TBX3: variants seen among roughly 807,000 people sequenced by gnomAD.
TBX3 encodes the protein T-box transcription factor 3.
TBX3 carries 11 observed loss-of-function variants against 47.8 expected under a neutral mutation model. The ratio of observed to expected loss-of-function variants is 0.23; its 90% CI spans 0.14 to 0.38. The LOEUF is 0.38. Ranked by LOEUF, TBX3 falls within the 10% of genes least tolerant of loss-of-function variation. The pLI, the probability that TBX3 is intolerant of heterozygous loss-of-function variation, is 1.00. For synonymous variants in TBX3, 500 were observed against 449.3 expected, an observed-to-expected ratio of 1.11 and a Z score of -1.43; for missense variants, 927 against 1,022.8, an observed-to-expected ratio of 0.91 and a Z score of 1.28.
intron 3 of TBX3, 115 bp from the exon 4 acceptor site, chr12:114,677,771 T>C: frequency 2.1e-6 from 2 of 939,366 alleles, no homozygotes; most frequent in Non-Finnish European, 3.4e-6. Flanking sequence ...AGAAGTCATA[T>C]AGATATGCCA....
intron 6 of TBX3, among the ~76,000 whole-genome samples, chr12:114,673,891 A>T (rs1216404802): frequency 1.3e-5 from 2 of 152,244 alleles, no homozygotes; most frequent in Non-Finnish European, 2.9e-5. Context: ...AATGCCTGAA[A>T]GTAAGTGCTG....
chr12:114,679,744 A>C, intron 2 of TBX3, 93 bp from the exon 3 acceptor site: 1 of 1,583,078 alleles, frequency 6.3e-7, no homozygotes, highest in South Asian at 1.1e-5. Flanking sequence ...AATCTTCCCC[A>C]CCGCAGGGTA....
At chr12:114,673,922 T>C (rs972557988) in intron 6 of TBX3, among the ~76,000 whole-genome samples, 3 of 152,374 alleles carry the variant, frequency 2.0e-5, no homozygotes, top group Admixed American at 6.5e-5. Flanking sequence ...TTATCTTTGT[T>C]ACTACCTATC....
At position 114,682,657 on chromosome 12, in the gene TBX3, C is replaced by A. The variant is rs73402612; in HGVS notation, c.389+155G>T. ...CAGGTAAGCTGAAATTTCCTGCCAC[C>A]GGGGCAGGGCCTGGAAGTCTGTGCA... On this transcript the variant is annotated intron_variant, in intron 1 of 6. Transcript: ENST00000349155. Among the ~76,000 whole-genome samples, 689 of 152,176 alleles carry A rather than the reference C, an allele frequency of 4.5e-3. 6 individuals carry two copies. Among genetic ancestry groups the A allele is most frequent in the African/African-American group, 0.016 (661 of 41,520 alleles).
At position 114,677,615 on chromosome 12, in the gene TBX3, A is replaced by G. The variant is rs1313506839; in HGVS notation, c.846T>C (p.Gly282=). 2 of 1,614,128 alleles carry G rather than the reference A, an allele frequency of 1.2e-6. No homozygotes were observed. The highest frequency in any genetic ancestry group is 4.5e-5 in the East Asian group (2 of 44,866). ...LKIDNNPFAK[G]FRDTGNGRRE... is the part of the protein sequence containing the mutation. Reference sequence around the variant, plus strand: ...TTCGGCCATTTCCAGTGTCCCGGAAACCTTTTGCAAAAGGGTTGTTGTCTA... The same window carrying G: ...TTCGGCCATTTCCAGTGTCCCGGAAGCCTTTTGCAAAAGGGTTGTTGTCTA... The change falls in exon 4 of 7, where the codon GGT becomes GGC. Residue 282 remains glycine, a synonymous_variant. Transcript: ENST00000349155.
At position 114,684,097 on chromosome 12, in the gene TBX3, G is replaced by C. The variant is rs1272711323; in HGVS notation, c.-897C>G. 6.2e-6 allele frequency: 1 copy of C among 160,738 alleles called. No homozygotes were observed. The highest frequency in any genetic ancestry group is 1.2e-5 in the Non-Finnish European group (1 of 82,574). 10.0% of individuals were successfully genotyped at this position (160,738 alleles called of 1,614,324 possible). A position where few individuals can be genotyped will look rare whatever the true frequency, so the allele number is the denominator to read the frequency against. On this transcript the variant is annotated 5_prime_UTR_variant, in exon 1 of 7. Coordinates refer to ENST00000349155, the MANE Select transcript of TBX3 (RefSeq NM_005996.4). Reference sequence around the variant, plus strand: ...GAGAGAGAGAGAGAGAGAGAGAGACGGAGTCGGAGAGGGAGGGAGCGAGAG... The same window carrying C: ...GAGAGAGAGAGAGAGAGAGAGAGACCGAGTCGGAGAGGGAGGGAGCGAGAG...
At chr12:114,680,248 G>T (rs182794206) in intron 2 of TBX3, 105 of 486,950 alleles carry the variant, frequency 2.2e-4, no homozygotes, top group African/African-American at 1.8e-3. Flanking sequence ...GGTAGGAAAA[G>T]GCGCAAAAGG....
At chr12:114,679,206 C>T (rs1868827111) in intron 3 of TBX3, among the ~76,000 whole-genome samples, 2 of 151,918 alleles carry the variant, frequency 1.3e-5, no homozygotes, top group African/African-American at 4.8e-5. Flanking sequence ...TTAAAACAGA[C>T]AGGACAAAGC....
At chr12:114,678,988 GCA>G (rs151230800) in intron 3 of TBX3, among the ~76,000 whole-genome samples, 4 of 150,750 alleles carry the variant, frequency 2.7e-5, no homozygotes, top group Non-Finnish European at 4.4e-5. Flanking sequence ...GCACACACAT[GCA>G]CACACACACA....
At chr12:114,677,497 C>A (rs1868760339) in intron 4 of TBX3, 83 bp downstream of exon 4, 2 of 1,310,208 alleles carry the variant, frequency 1.5e-6, no homozygotes. Flanking sequence ...TAAGTGCCTG[C>A]ATCTCACTTC....
At chr12:114,681,676 C>T (rs1232252111) in intron 1 of TBX3, among the ~76,000 whole-genome samples, 2 of 152,180 alleles carry the variant, frequency 1.3e-5, no homozygotes, top group African/African-American at 4.8e-5. Flanking sequence ...TGAAACTGGA[C>T]TTCAGTGAGT....
At chr12:114,673,298 T>C (rs1868530827) in intron 6 of TBX3, among the ~76,000 whole-genome samples, 1 of 152,192 alleles carries the variant, frequency 6.6e-6, no homozygotes, top group Non-Finnish European at 1.5e-5. Flanking sequence ...CAGACGAATG[T>C]GCTCAGACAA....
Position 114,672,299 on chromosome 12 carries a change from G to T in TBX3, c.1714C>A (p.Leu572Met). 6.5e-7 allele frequency: 1 copy of T among 1,547,456 alleles called. No individual in the cohort carries two copies. Among genetic ancestry groups the T allele is most frequent in the Non-Finnish European group, 8.7e-7 (1 of 1,149,694 alleles). Residue 572 changes from leucine to methionine, a missense_variant, in exon 7 of 7, where the codon CTG becomes ATG. Physicochemically the swap from Leu to Met is conservative, Grantham distance 15 (BLOSUM62 2). Coordinates refer to ENST00000349155, the MANE Select transcript of TBX3 (RefSeq NM_005996.4). Reference protein sequence around the residue: ...LQQHVLASQGLAMSPFGSLFP... With the variant: ...LQQHVLASQGMAMSPFGSLFP... ...AGGCTTCCGAAAGGGGACATGGCCA[G>T]GCCCTGGGGTGAGAAAAGAGACACA... is the stretch of plus-strand genomic sequence containing the variant.
chr12:114,679,799 C>G, intron 2 of TBX3, 148 bp from the exon 3 acceptor site: 1 of 1,525,514 alleles, frequency 6.6e-7, no homozygotes, highest in East Asian at 2.3e-5. Context: ...CCCCTGGGTA[C>G]GTTTCGCTCC....
rs748607794 is a variant in TBX3 at position 114,674,648 on chromosome 12, G to A, written c.1227C>T (p.Asp409=). The change falls in exon 6 of 7, where the codon GAC becomes GAT. Residue 409 remains aspartate (D), a synonymous_variant. Coordinates refer to ENST00000349155, the MANE Select transcript of TBX3 (RefSeq NM_005996.4). ...TATGGCGTGAGTCGGGCGACGCTTT[G>A]TCCAGCCGCCCGCTGTCCCGGGGCC... ...AERPRDSGRL[D]KASPDSRHSP... 1.2e-6 allele frequency: 2 copies of A among 1,607,112 alleles called. No homozygotes were observed. Among genetic ancestry groups the A allele is most frequent in the Non-Finnish European group, 1.7e-6 (2 of 1,178,878 alleles).
At position 114,674,659 on chromosome 12, in the gene TBX3, C is replaced by T. The variant is rs771049124; in HGVS notation, c.1216G>A (p.Gly406Arg). ...LFAAERPRDS[G>R]RLDKASPDSR... is the part of the protein sequence containing the mutation. ...TCGGGCGACGCTTTGTCCAGCCGCC[C>T]GCTGTCCCGGGGCCGCTCAGCAGCG... is the stretch of plus-strand genomic sequence containing the variant. Residue 406 changes from glycine (G) to arginine (R), a missense_variant, in exon 6 of 7, where the codon GGG (glycine) becomes AGG (arginine). By Grantham distance (125) the Gly-to-Arg change is moderately radical. Coordinates refer to ENST00000349155, the MANE Select transcript of TBX3 (RefSeq NM_005996.4). 25 of 1,607,480 alleles carry T rather than the reference C, an allele frequency of 1.6e-5. No individual in the cohort carries two copies. The highest frequency in any genetic ancestry group is 1.1e-5 in the South Asian group (1 of 90,704).
chr12:114,676,316 T>G lies in TBX3; in HGVS notation c.1036A>C (p.Lys346Gln), dbSNP rs921902214. 6.2e-7 allele frequency: 1 copy of G among 1,613,670 alleles called. No individual in the cohort carries two copies. Among genetic ancestry groups the G allele is most frequent in the Non-Finnish European group, 8.5e-7 (1 of 1,180,022 alleles). Residue 346 changes from lysine (K) to glutamine (Q), a missense_variant, in exon 5 of 7, where the codon AAA (lysine) becomes CAA (glutamine). Coordinates refer to ENST00000349155, the MANE Select transcript of TBX3 (RefSeq NM_005996.4). ...TCACAAAGGTGACATGGTTTACCTT[T>G]GAGGTTCGATGTCCCTACAGTGGAG... ...AASTVGTSNL[K>Q]DLCPSEGESD...
intron 2 of TBX3, 33 bp downstream of exon 2, chr12:114,680,846 G>A (rs1297086783): frequency 6.2e-7 from 1 of 1,614,012 alleles, no homozygotes; most frequent in African/African-American, 1.3e-5. Flanking sequence ...TGAAGGAGGA[G>A]AAAATTTTAC....
intron 5 of TBX3, among the ~76,000 whole-genome samples, chr12:114,675,445 T>C (rs188530597): frequency 6.6e-6 from 1 of 152,246 alleles, no homozygotes; most frequent in Admixed American, 6.5e-5. Context: ...GAGAGATGAG[T>C]GTCGGACAGA....
Sources: gnomAD v4.1 joint callset for allele counts (sites outside exome capture counted in the v4.1 genomes callset) on GRCh38, gnomAD v4.1.1 for gene constraint, MANE v1.5 for transcripts, NCBI Gene and HGNC (gene_info 2026-07-23, HGNC 2026-07-21) for gene names.